The following DNAJC24 variants were observed in gnomAD, a reference collection of about 807,000 sequenced individuals.
The protein encoded by DNAJC24 is dnaJ homolog subfamily C member 24.
Under a neutral mutation model 18.0 loss-of-function variants are expected in DNAJC24, and 17 were observed. The ratio of observed to expected loss-of-function variants is 0.94; its 90% CI spans 0.65 to 1.42. The LOEUF is 1.42. DNAJC24 is among the 40% of genes most tolerant of loss of function. The pLI is 0.00. For missense variants in DNAJC24, 158 were observed against 175.6 expected (o/e 0.90, Z 0.57); for synonymous variants, 55 against 57.7 (o/e 0.95, Z 0.21).
chr11:31,385,483 G>A (rs542497709), intron 2 of DNAJC24, among the ~76,000 whole-genome samples: 1 of 152,186 alleles, frequency 6.6e-6, no homozygotes, highest in Non-Finnish European at 1.5e-5. Context: ...GTGTTAAACT[G>A]TATGAAGATC....
intron 2 of DNAJC24, among the ~76,000 whole-genome samples, chr11:31,399,629 G>T (rs1351045403): frequency 3.3e-5 from 5 of 151,058 alleles, no homozygotes; most frequent in African/African-American, 4.9e-5. Flanking sequence ...GGCCAGGCTG[G>T]CCTCGAACCC....
intron 2 of DNAJC24, among the ~76,000 whole-genome samples, chr11:31,386,454 T>A (rs1037405114): frequency 2.6e-5 from 2 of 77,252 alleles, no homozygotes; most frequent in Non-Finnish European, 5.8e-5. Context: ...AGGCCCCCCA[T>A]TCTAGGCTGT....
chr11:31,388,976 C>T (rs1952459518), intron 2 of DNAJC24, among the ~76,000 whole-genome samples: 1 of 151,798 alleles, frequency 6.6e-6, no homozygotes, highest in African/African-American at 2.4e-5. Context: ...TATTTGCAAA[C>T]CTCATGATAA....
chr11:31,385,896 C>T (rs1314122692), intron 2 of DNAJC24, among the ~76,000 whole-genome samples: 4 of 152,160 alleles, frequency 2.6e-5, no homozygotes, highest in Non-Finnish European at 5.9e-5. Flanking sequence ...TCCCCCATCC[C>T]CCTGCAGTGG....
chr11:31,425,243 T>C (rs925592294), intron 3 of DNAJC24, among the ~76,000 whole-genome samples: 6 of 152,216 alleles, frequency 3.9e-5, no homozygotes, highest in African/African-American at 1.4e-4. Flanking sequence ...TGTGGGGTTA[T>C]TGAAATACTG....
rs1231182150 is a variant in DNAJC24, at chr11:31,373,379, T to A, written c.111+2520T>A. On this transcript the variant is annotated intron_variant, in intron 2 of 4. Coordinates refer to ENST00000465995, the MANE Select transcript of DNAJC24 (RefSeq NM_181706.5). ...CTCAGTATATTCAGTTGTGCCAGCA[T>A]CATTTGTTGAAAATTTTTTTCTCCA... Among the ~76,000 whole-genome samples the A allele has an allele frequency of 1.5e-5, 2 of 134,752 alleles. 1 individual carries two copies. Among genetic ancestry groups the A allele is most frequent in the Admixed American group, 1.5e-4 (2 of 13,088 alleles). 88.4% of individuals were successfully genotyped at this position (134,752 alleles called of 152,430 possible).
intron 3 of DNAJC24, among the ~76,000 whole-genome samples, chr11:31,418,062 G>C (rs577394282): frequency 6.6e-6 from 1 of 152,118 alleles, no homozygotes; most frequent in African/African-American, 2.4e-5. Context: ...TTTAAGAAAA[G>C]AATGAGTAAT....
intron 3 of DNAJC24, chr11:31,415,914 T>G (rs185239251): frequency 1.1e-4 from 16 of 152,334 alleles, no homozygotes; most frequent in Admixed American, 7.8e-4. Flanking sequence ...GCCTTTATTT[T>G]TAAAACACAG....
intron 2 of DNAJC24, among the ~76,000 whole-genome samples, chr11:31,401,351 T>C (rs2122681): frequency 0.28 from 43,221 of 152,122 alleles, 6,993 homozygotes; most frequent in Non-Finnish European, 0.35. Flanking sequence ...ACAGCTTTAC[T>C]GTCTTTCAGT....
intron 2 of DNAJC24, among the ~76,000 whole-genome samples, chr11:31,393,720 T>C (rs1265669673): frequency 6.6e-6 from 1 of 152,142 alleles, no homozygotes; most frequent in Non-Finnish European, 1.5e-5. Context: ...AGCCAATAAA[T>C]TTCTGTTTTT....
At chr11:31,371,237 G>A (rs1407763864) in intron 2 of DNAJC24, among the ~76,000 whole-genome samples, 1 of 152,220 alleles carries the variant, frequency 6.6e-6, no homozygotes, top group Non-Finnish European at 1.5e-5. Flanking sequence ...TTGATTACTT[G>A]AAGTGTGGCT....
chr11:31,430,543 C>A lies in DNAJC24; in HGVS notation c.*142C>A. 1 of 480,818 alleles carries A rather than the reference C, an allele frequency of 2.1e-6. No individual in the cohort carries two copies. The highest frequency in any genetic ancestry group is 3.4e-6 in the Non-Finnish European group (1 of 295,502). The allele number at this position is 480,818 out of a possible 1,614,324, so 29.8% of individuals were successfully genotyped here. On this transcript the variant is annotated 3_prime_UTR_variant, in exon 5 of 5. Coordinates refer to ENST00000465995, the MANE Select transcript of DNAJC24 (RefSeq NM_181706.5). ...TATACAATTATCAAGCAGAGACCAC[C>A]TCAGATTAATAGAGAATGAATATAA...
intron 2 of DNAJC24, among the ~76,000 whole-genome samples, chr11:31,376,228 T>C (rs1952314037): frequency 6.6e-6 from 1 of 152,224 alleles, no homozygotes; most frequent in Non-Finnish European, 1.5e-5. Flanking sequence ...TCCCCAGCCG[T>C]GTGGAACTTT....
chr11:31,417,492 C>A (rs561272882), intron 3 of DNAJC24, among the ~76,000 whole-genome samples: 1 of 152,056 alleles, frequency 6.6e-6, no homozygotes, highest in East Asian at 1.9e-4. Flanking sequence ...TGTTAAAGAC[C>A]AGGATAGGTT....
chr11:31,398,895 TC>T (rs1227882945), intron 2 of DNAJC24, among the ~76,000 whole-genome samples: 1 of 152,118 alleles, frequency 6.6e-6, no homozygotes, highest in Admixed American at 6.6e-5. Flanking sequence ...GTTTCTTGAG[TC>T]CTTAATTGTA....
At chr11:31,393,230 T>C (rs1323790609) in intron 2 of DNAJC24, among the ~76,000 whole-genome samples, 1 of 152,080 alleles carries the variant, frequency 6.6e-6, no homozygotes, top group African/African-American at 2.4e-5. Flanking sequence ...CTTCAGGTTG[T>C]TTGGGCAGGG....
At chr11:31,383,630 G>C (rs1381174740) in intron 2 of DNAJC24, among the ~76,000 whole-genome samples, 1 of 152,214 alleles carries the variant, frequency 6.6e-6, no homozygotes, top group African/African-American at 2.4e-5. Context: ...TGGGAAGTTA[G>C]TGCTATTACC....
chr11:31,375,237 G>A (rs1254314286), intron 2 of DNAJC24, among the ~76,000 whole-genome samples: 8 of 135,268 alleles, frequency 5.9e-5, no homozygotes, highest in African/African-American at 2.0e-4. Flanking sequence ...TTAGAGGCCA[G>A]ATACCCTTCT....
chr11:31,372,862 C>T (rs1952279239), intron 2 of DNAJC24, among the ~76,000 whole-genome samples: 1 of 134,400 alleles, frequency 7.4e-6, no homozygotes. Context: ...GTGGCAGGAT[C>T]CTAGATGCCA....
Sources: allele counts gnomAD v4.1 joint callset (sites outside exome capture counted in the v4.1 genomes callset), GRCh38; gene constraint gnomAD v4.1.1; transcripts MANE v1.5; gene names NCBI Gene and HGNC (gene_info 2026-07-23, HGNC 2026-07-21).